Variants in MSRA observed in about 807,000 individuals in gnomAD.
The protein encoded by MSRA is mitochondrial peptide methionine sulfoxide reductase.
A neutral mutation model predicts 31.3 loss-of-function variants in MSRA; 54 were observed. That is an observed-to-expected ratio of 1.73 (90% confidence interval 1.39 to 2.17). The LOEUF is 2.17. Among genes scored for constraint, MSRA ranks in the 30% most tolerant of loss-of-function variants. MSRA has a pLI of 0.00. For synonymous variants in MSRA, 169 were observed against 116.5 expected (o/e 1.45, Z -2.90); for missense variants, 507 against 300.9 (o/e 1.69, Z -5.07).
intron 1 of MSRA, among the ~76,000 whole-genome samples, chr8:10,165,239 T>C (rs1805020280): frequency 6.6e-6 from 1 of 152,200 alleles, no homozygotes; most frequent in African/African-American, 2.4e-5. Flanking sequence ...GTTAATATCA[T>C]TACAATATAA....
chr8:10,205,251 G>A (rs183300192), intron 1 of MSRA, among the ~76,000 whole-genome samples: 183 of 152,168 alleles, frequency 1.2e-3, no homozygotes, highest in Non-Finnish European at 2.1e-3. Flanking sequence ...GTCGGAGTCC[G>A]GAAAAAGGGG....
chr8:10,060,193 C>G (rs1802631010), intron 1 of MSRA, among the ~76,000 whole-genome samples: 9 of 152,134 alleles, frequency 5.9e-5, no homozygotes. Flanking sequence ...TGCAATAGCA[C>G]AAGACTGGAA....
At chr8:10,416,990 G>T (rs1808499812) in intron 5 of MSRA, among the ~76,000 whole-genome samples, 1 of 152,176 alleles carries the variant, frequency 6.6e-6, no homozygotes, top group African/African-American at 2.4e-5. Flanking sequence ...GGACACAGAG[G>T]AATAGATAAT....
chr8:10,414,552 A>C (rs983219551), intron 5 of MSRA, among the ~76,000 whole-genome samples: 1 of 152,180 alleles, frequency 6.6e-6, no homozygotes, highest in African/African-American at 2.4e-5. Flanking sequence ...CAGTGAGACT[A>C]TTCTTTCTAG....
chr8:10,342,714 G>A (rs1803507328), intron 5 of MSRA, among the ~76,000 whole-genome samples: 1 of 152,166 alleles, frequency 6.6e-6, no homozygotes, highest in Non-Finnish European at 1.5e-5. Flanking sequence ...GCCCCAAAGA[G>A]GTAAAGCAAT....
At chr8:10,372,063 C>G (rs144221224) in intron 5 of MSRA, among the ~76,000 whole-genome samples, 2,327 of 152,306 alleles carry the variant, frequency 0.015, 29 homozygotes, top group Non-Finnish European at 0.023. Context: ...CAGCGATTGT[C>G]ATTGCCACCT....
intron 5 of MSRA, among the ~76,000 whole-genome samples, chr8:10,400,404 A>C (rs1395980848): frequency 1.1e-5 from 1 of 94,944 alleles, no homozygotes; most frequent in Non-Finnish European, 2.7e-5. Context: ...TGTGTAGGGA[A>C]AGATACACGG....
chr8:10,313,178 G>T (rs1801528751), intron 4 of MSRA, among the ~76,000 whole-genome samples: 1 of 152,160 alleles, frequency 6.6e-6, no homozygotes, highest in Admixed American at 6.5e-5. Context: ...TTCCAGACCT[G>T]GCTCAGAAAA....
At chr8:10,204,883 G>A (rs185858100) in intron 1 of MSRA, among the ~76,000 whole-genome samples, 4 of 152,312 alleles carry the variant, frequency 2.6e-5, no homozygotes, top group Non-Finnish European at 4.4e-5. Context: ...AGAGAGCTAC[G>A]ACCCCTGCCC....
intron 1 of MSRA, among the ~76,000 whole-genome samples, chr8:10,148,938 TTG>T (rs1803405643): frequency 6.8e-6 from 1 of 147,828 alleles, no homozygotes; most frequent in Non-Finnish European, 1.5e-5. Flanking sequence ...GATCTGGCGA[TTG>T]TGTGTGTCGC....
At chr8:10,092,678 T>A (rs1249860772) in intron 1 of MSRA, among the ~76,000 whole-genome samples, 1 of 152,002 alleles carries the variant, frequency 6.6e-6, no homozygotes, top group Admixed American at 6.5e-5. Flanking sequence ...TTGGGTAGAT[T>A]GTTTGGTAGA....
At chr8:10,224,634 C>G (rs544401037) in intron 2 of MSRA, among the ~76,000 whole-genome samples, 6 of 152,200 alleles carry the variant, frequency 3.9e-5, no homozygotes, top group African/African-American at 1.2e-4. Context: ...AGCTGAGAGT[C>G]CCTCTACTGA....
intron 1 of MSRA, among the ~76,000 whole-genome samples, chr8:10,102,975 T>C (rs952422164): frequency 3.1e-4 from 47 of 152,308 alleles, no homozygotes; most frequent in African/African-American, 1.1e-3. Context: ...ACTTGTTTAA[T>C]GATAGTTACA....
At chr8:10,203,823 C>T (rs1409709753) in intron 1 of MSRA, among the ~76,000 whole-genome samples, 5 of 152,134 alleles carry the variant, frequency 3.3e-5, no homozygotes, top group South Asian at 2.1e-4. Flanking sequence ...CAGCTCCAAG[C>T]GTGTTATTGC....
At chr8:10,201,717 A>G (rs892121210) in intron 1 of MSRA, among the ~76,000 whole-genome samples, 1 of 152,254 alleles carries the variant, frequency 6.6e-6, no homozygotes, top group African/African-American at 2.4e-5. Context: ...GCTTTTGAAC[A>G]TGTCCCCCCG....
chr8:10,334,382 G>C (rs989949198), intron 5 of MSRA, among the ~76,000 whole-genome samples: 1 of 152,028 alleles, frequency 6.6e-6, no homozygotes, highest in Non-Finnish European at 1.5e-5. Flanking sequence ...CCTGGCCCTG[G>C]TTCAGCCTCT....
chr8:10,116,823 C>A (rs994520148), intron 1 of MSRA, among the ~76,000 whole-genome samples: 2 of 152,060 alleles, frequency 1.3e-5, no homozygotes, highest in Non-Finnish European at 2.9e-5. Context: ...CAAAAGTAGT[C>A]GGGCGTGGTG....
chr8:10,132,960 C>G (rs1429040192), intron 1 of MSRA, among the ~76,000 whole-genome samples: 1 of 152,162 alleles, frequency 6.6e-6, no homozygotes, highest in African/African-American at 2.4e-5. Flanking sequence ...TAGGCCTGGC[C>G]TCAAATATAT....
Position 10,301,649 on chromosome 8 carries a change from G to C in MSRA, c.436+11G>C. ...ACGACCCGACCCAAGGTAGAGTGAT[G>C]AGTGAGCCAGTATTTAATTATCTTA... On this transcript the variant is annotated intron_variant, in intron 4 of 5. Coordinates refer to ENST00000317173, the MANE Select transcript of MSRA (RefSeq NM_012331.5). 1 of 1,593,612 alleles carries C rather than the reference G, an allele frequency of 6.3e-7. No individual in the cohort carries two copies. The highest frequency in any genetic ancestry group is 1.1e-5 in the South Asian group (1 of 89,738).
Sources: gnomAD v4.1 joint callset for allele counts (sites outside exome capture counted in the v4.1 genomes callset) on GRCh38, gnomAD v4.1.1 for gene constraint, MANE v1.5 for transcripts, NCBI Gene and HGNC (gene_info 2026-07-23, HGNC 2026-07-21) for gene names.